The following PCDHAC1 variants were observed in gnomAD, a reference collection of about 807,000 sequenced individuals.
PCDHAC1 encodes the protein protocadherin alpha subfamily C, 1.
PCDHAC1 carries 42 observed loss-of-function variants against 60.0 expected under a neutral mutation model. The observed-to-expected ratio is 0.70, with a 90% confidence interval of 0.55 to 0.90. The LOEUF (loss-of-function observed/expected upper bound fraction) is 0.90, where lower values mean the gene tolerates loss of function less well. Ranked by LOEUF, PCDHAC1 falls within the 40% of genes least tolerant of loss-of-function variation. The pLI, the probability that PCDHAC1 is intolerant of heterozygous loss-of-function variation, is 0.00. For missense variants in PCDHAC1, 1,160 were observed against 1,222.3 expected, an observed-to-expected ratio of 0.95 and a Z score of 0.76; for synonymous variants, 468 against 499.3, an observed-to-expected ratio of 0.94 and a Z score of 0.84.
chr5:140,981,443 G>A lies in PCDHAC1; in HGVS notation c.2493-1032G>A, dbSNP rs530782878. ...ACAAAAATGAGCCAGGCATGGTGGC[G>A]GGTGCCTGTAGTCCCAGCTACTTGG... On this transcript the variant is annotated intron_variant, in intron 2 of 3. Transcript: ENST00000253807. Among the ~76,000 whole-genome samples, 6 of 152,126 alleles carry A rather than the reference G, an allele frequency of 3.9e-5. No homozygotes were observed. The Middle Eastern group carries it at 0.01, about 259-fold the overall frequency.
chr5:140,927,376 A>G lies in PCDHAC1; in HGVS notation c.484A>G (p.Ser162Gly), dbSNP rs1554204440. 13 of 1,614,094 alleles carry G rather than the reference A, an allele frequency of 8.1e-6. No homozygotes were observed. The highest frequency in any genetic ancestry group is 2.2e-5 in the East Asian group (1 of 44,878). The change falls in exon 1 of 4, where the codon AGC becomes GGC. Residue 162 changes from serine to glycine, a missense_variant. Ser to Gly is a moderately conservative substitution (Grantham distance 56). Around this residue, in one of 3 missense-constraint regions of PCDHAC1, gnomAD observed 1,113 missense variants for 1,163.7 expected, o/e 0.96. Coordinates refer to ENST00000253807, the MANE Select transcript of PCDHAC1 (RefSeq NM_018898.5). ...GGGAAGCAATGGGATACTAAGCTAC[A>G]GCCTAAGCCCCAGTCAGCACTTTCG... ...DEGSNGILSY[S>G]LSPSQHFRLD...
intron 1 of PCDHAC1, among the ~76,000 whole-genome samples, chr5:140,941,214 C>CCTTTCTTTCTTCCTTTCTTTCTTTCTTT (rs2092876516): frequency 4.1e-5 from 5 of 122,412 alleles, no homozygotes; most frequent in Non-Finnish European, 8.5e-5. Flanking sequence ...TTTCTTTCTT[C>CCTTTCTTTCTTCCTTTCTTTCTTTCTTT]CTTTCTTTCT....
At chr5:140,968,190 C>A (rs782155295) in intron 1 of PCDHAC1, 2 of 1,613,954 alleles carry the variant, frequency 1.2e-6, no homozygotes, top group African/African-American at 2.7e-5. Flanking sequence ...GACTCCTATT[C>A]CATCTACATA....
chr5:141,004,045 G>T (rs1588047334), intron 3 of PCDHAC1, among the ~76,000 whole-genome samples: 1 of 152,222 alleles, frequency 6.6e-6, no homozygotes, highest in East Asian at 1.9e-4. Flanking sequence ...TTGATCATTT[G>T]CTGATACTGG....
intron 1 of PCDHAC1, among the ~76,000 whole-genome samples, chr5:140,934,191 C>T (rs563342404): frequency 6.6e-6 from 1 of 152,224 alleles, no homozygotes; most frequent in African/African-American, 2.4e-5. Flanking sequence ...ACATACTTTT[C>T]ATTTCTATTT....
chr5:140,941,828 A>T (rs2093176954), intron 1 of PCDHAC1, among the ~76,000 whole-genome samples: 1 of 152,218 alleles, frequency 6.6e-6, no homozygotes, highest in Non-Finnish European at 1.5e-5. Flanking sequence ...TGCTGTAAAT[A>T]ATTTAGGCTG....
At chr5:140,966,756 G>A (rs1476318654) in intron 1 of PCDHAC1, 9 of 1,437,232 alleles carry the variant, frequency 6.3e-6, no homozygotes, top group Non-Finnish European at 8.2e-6. Flanking sequence ...CCTCCGCCGC[G>A]GCCAGTGGCT....
In PCDHAC1 at chr5:140,927,078, C is replaced by T; in HGVS notation, c.186C>T (p.Arg62=). ...ACTTTCGCTTCCTTTCCAGCCACCG[C>T]GAGCTCTACTTCGGGGTGGATCTAC... ...SRNFRFLSSH[R]ELYFGVDLPS... Residue 62 remains arginine (R), a synonymous_variant, in exon 1 of 4, where the codon CGC becomes CGT. Transcript: ENST00000253807. 1 of 1,611,014 alleles carries T rather than the reference C, an allele frequency of 6.2e-7. No individual in the cohort carries two copies. Among genetic ancestry groups the T allele is most frequent in the Non-Finnish European group, 8.5e-7 (1 of 1,177,770 alleles).
rs781906023 is a variant in PCDHAC1 at position 140,928,272 on chromosome 5, TG to T, written c.1384del (p.Ala462ProfsTer3). On this transcript the variant is annotated frameshift_variant, in exon 1 of 4. Transcript: ENST00000253807. LOFTEE classifies it high-confidence loss of function. ...TTTTCGTTGCTGAAAACAATGGCCC[TG>T]GGGCCTCTCTAGGCCGAGTGTTTGC... The part of the protein sequence containing the change: ...ELFVAENNGP[G>X]ASLGRVFAQD... The T allele has an allele frequency of 6.2e-7, 1 of 1,614,156 alleles. No homozygotes were observed. Among genetic ancestry groups the T allele is most frequent in the Non-Finnish European group, 8.5e-7 (1 of 1,180,026 alleles).
chr5:140,987,811 CTT>C (rs1444999429), intron 3 of PCDHAC1, among the ~76,000 whole-genome samples: 7 of 152,218 alleles, frequency 4.6e-5, no homozygotes, highest in African/African-American at 1.7e-4. Flanking sequence ...GTGCCTGTCT[CTT>C]TGTTTCCTTA....
rs1208273188 is a variant in PCDHAC1 at position 140,928,265 on chromosome 5, A to T, written c.1373A>T (p.Asn458Ile). 4.3e-6 allele frequency: 7 copies of T among 1,614,188 alleles called. No homozygotes were observed. The highest frequency in any genetic ancestry group is 4.2e-6 in the Non-Finnish European group (5 of 1,180,036). The change falls in exon 1 of 4, where the codon AAT becomes ATT. Residue 458 changes from asparagine (N) to isoleucine (I), a missense_variant. Transcript: ENST00000253807. ...PQQELFVAENNGPGASLGRVF... is the reference protein window; with the variant it reads ...PQQELFVAENIGPGASLGRVF... Reference sequence around the variant, plus strand: ...CAGGAACTTTTCGTTGCTGAAAACAATGGCCCTGGGGCCTCTCTAGGCCGA... The same window carrying T: ...CAGGAACTTTTCGTTGCTGAAAACATTGGCCCTGGGGCCTCTCTAGGCCGA...
intron 3 of PCDHAC1, among the ~76,000 whole-genome samples, chr5:140,984,356 A>G (rs556586072): frequency 1.3e-5 from 2 of 152,362 alleles, no homozygotes; most frequent in African/African-American, 4.8e-5. Flanking sequence ...GATATTTCAT[A>G]CATCTGGCCA....
chr5:140,987,904 G>A (rs115515462), intron 3 of PCDHAC1, among the ~76,000 whole-genome samples: 1 of 151,734 alleles, frequency 6.6e-6, no homozygotes, highest in African/African-American at 2.4e-5. Context: ...TTTTATATGG[G>A]GATTTATATT....
chr5:140,966,470 T>C, intron 1 of PCDHAC1: 1 of 431,298 alleles, frequency 2.3e-6, no homozygotes, highest in Non-Finnish European at 4.0e-6. Context: ...TCTTCCCTTC[T>C]GTTTCCTTTT....
At chr5:140,945,935 G>T (rs2093863887) in intron 1 of PCDHAC1, among the ~76,000 whole-genome samples, 1 of 151,964 alleles carries the variant, frequency 6.6e-6, no homozygotes, top group Admixed American at 6.6e-5. Flanking sequence ...GAGCAATGAT[G>T]TTTTTTATAT....
At chr5:140,967,489 A>G in intron 1 of PCDHAC1, 4 of 1,613,456 alleles carry the variant, frequency 2.5e-6, no homozygotes, top group Non-Finnish European at 3.4e-6. Flanking sequence ...CGGGTACGGC[A>G]CAGATCTCTG....
chr5:141,006,357 G>A (rs1296731156), intron 3 of PCDHAC1, among the ~76,000 whole-genome samples: 1 of 151,914 alleles, frequency 6.6e-6, no homozygotes, highest in Middle Eastern at 3.4e-3. Context: ...GACTATAGGC[G>A]CCCACCACCA....
In PCDHAC1 at chr5:141,012,118, T is replaced by C. The variant is rs2098422988; in HGVS notation, c.*2181T>C. 6.5e-6 allele frequency: 1 copy of C among 153,768 alleles called. No individual in the cohort carries two copies. The highest frequency in any genetic ancestry group is 2.4e-5 in the African/African-American group (1 of 41,458). The allele number at this position is 153,768 out of a possible 1,614,324, so 9.5% of individuals were successfully genotyped here. A position where few individuals can be genotyped will look rare whatever the true frequency, so the allele number is the denominator to read the frequency against. On this transcript the variant is annotated 3_prime_UTR_variant, in exon 4 of 4. Coordinates refer to ENST00000253807, the MANE Select transcript of PCDHAC1 (RefSeq NM_018898.5). ...TCATTTTGCCCCACTGAAGCCCATG[T>C]ATCTGACCTTACGTGCCTTTTGAAC...
chr5:140,968,741 A>T, intron 1 of PCDHAC1: 1 of 1,614,106 alleles, frequency 6.2e-7, no homozygotes, highest in Non-Finnish European at 8.5e-7. Context: ...TTTCAACCTG[A>T]CCGTGGTGGT....
Sources: allele counts gnomAD v4.1 joint callset (sites outside exome capture counted in the v4.1 genomes callset), GRCh38; gene constraint gnomAD v4.1.1; regional missense constraint gnomAD v4.1.1; transcripts MANE v1.5; gene names NCBI Gene and HGNC (gene_info 2026-07-23, HGNC 2026-07-21).